Variants in ARL13B observed in about 807,000 individuals in gnomAD.
ARL13B encodes the protein ADP-ribosylation factor-like protein 13B.
Under a neutral mutation model 56.1 loss-of-function variants are expected in ARL13B, and 36 were observed. That is an observed-to-expected ratio of 0.64 (90% CI 0.49 to 0.85). ARL13B has a LOEUF of 0.85. Ranked by LOEUF, ARL13B falls within the 40% of genes least tolerant of loss-of-function variation. The pLI is 0.00. For missense variants in ARL13B, 519 were observed against 507.1 expected (o/e 1.02, Z -0.23); for synonymous variants, 178 against 171.1 (o/e 1.04, Z -0.32).
Position 93,980,291 on chromosome 3 carries a change from C to A in ARL13B, c.-133C>A, listed in dbSNP as rs1440428267. On this transcript the variant is annotated 5_prime_UTR_variant, in exon 1 of 10. Coordinates refer to ENST00000394222, the MANE Select transcript of ARL13B (RefSeq NM_001174150.2). ...TTAGTGCTCGGGCCGGCCGCCTTCA[C>A]TTCCCTCCCGGCTTTTCCTCCCGAC... 8.0e-7 allele frequency: 1 copy of A among 1,245,612 alleles called. No homozygotes were observed. Among genetic ancestry groups the A allele is most frequent in the Non-Finnish European group, 1.2e-6 (1 of 867,846 alleles). The allele number at this position is 1,245,612 out of a possible 1,614,324, so 77.2% of individuals were successfully genotyped here. A position where few individuals can be genotyped will look rare whatever the true frequency, so the allele number is the denominator to read the frequency against.
chr3:94,030,432 A>T (rs578027560), intron 3 of ARL13B, among the ~76,000 whole-genome samples: 154 of 139,488 alleles, frequency 1.1e-3, no homozygotes, highest in African/African-American at 4.1e-3. Context: ...ACAGGGTTTC[A>T]CCATGTTGGC....
At chr3:94,003,943 C>T (rs1374753632) in intron 3 of ARL13B, 35 bp downstream of exon 3, 12 of 1,611,442 alleles carry the variant, frequency 7.4e-6, no homozygotes, top group Admixed American at 5.0e-5. Flanking sequence ...AATGTAGGGA[C>T]GATGGCATTG....
intron 3 of ARL13B, among the ~76,000 whole-genome samples, chr3:94,008,638 T>C (rs187088035): frequency 1.7e-3 from 261 of 152,282 alleles, no homozygotes; most frequent in Non-Finnish European, 2.9e-3. Flanking sequence ...ATATGCTCTT[T>C]CTACACCCCC....
rs1210772731 is a variant in ARL13B, at chr3:94,053,721, T to C, written c.*458T>C. The C allele has an allele frequency of 6.5e-6, 2 of 307,918 alleles. No homozygotes were observed. Among genetic ancestry groups the C allele is most frequent in the South Asian group, 5.9e-5 (2 of 34,160 alleles). 19.1% of individuals were successfully genotyped at this position (307,918 alleles called of 1,614,324 possible). The stretch of plus-strand genomic sequence containing the variant: ...TTTTAAAACTATTTTTATATTTTTT[T>C]AAATCTTTAAAAATTTTAATTACTG... On this transcript the variant is annotated 3_prime_UTR_variant, in exon 10 of 10. Coordinates refer to ENST00000394222, the MANE Select transcript of ARL13B (RefSeq NM_001174150.2).
chr3:94,015,150 AAT>A (rs1037460019), intron 3 of ARL13B: 3 of 1,613,838 alleles, frequency 1.9e-6, no homozygotes, highest in Non-Finnish European at 8.5e-7. Context: ...CTCTTTCATA[AAT>A]AACAGCTTGC....
At chr3:94,044,806 C>T (rs367725943) in intron 7 of ARL13B, among the ~76,000 whole-genome samples, 19 of 141,200 alleles carry the variant, frequency 1.3e-4, no homozygotes, top group Non-Finnish European at 2.2e-4. Context: ...CCGGCCGCGC[C>T]GTCTGGGAAG....
Position 94,043,188 on chromosome 3 carries a change from A to C in ARL13B, c.972A>C (p.Leu324Phe). ...TAGTAGAAAATTATAAGGAGGCATT[A>C]ACACAGCAGTTAAAGAATGAAGATG... ...FGLVENYKEA[L>F]TQQLKNEDET... The change falls in exon 7 of 10, where the codon TTA (leucine) becomes TTC (phenylalanine). Residue 324 changes from leucine (L) to phenylalanine (F), a missense_variant. Transcript: ENST00000394222. 6.2e-7 allele frequency: 1 copy of C among 1,613,678 alleles called. No homozygotes were observed. Among genetic ancestry groups the C allele is most frequent in the Non-Finnish European group, 8.5e-7 (1 of 1,179,898 alleles).
chr3:93,986,414 C>T (rs539729219), intron 1 of ARL13B, among the ~76,000 whole-genome samples: 3 of 151,968 alleles, frequency 2.0e-5, no homozygotes, highest in Non-Finnish European at 2.9e-5. Context: ...ACTGTTTTTT[C>T]GATACATTTT....
Position 93,980,397 on chromosome 3 carries a change from G to A in ARL13B, c.-27G>A. ...GCCGGTGTCCGCTCCGGGCTCGGAT[G>A]GGAAGTGGTGGGAGGAGCGACCCGG... On this transcript the variant is annotated 5_prime_UTR_variant, in exon 1 of 10. The change abolishes an upstream ATG in the 5' untranslated region. Transcript: ENST00000394222. The A allele has an allele frequency of 6.2e-7, 1 of 1,610,870 alleles. No homozygotes were observed. Among genetic ancestry groups the A allele is most frequent in the Non-Finnish European group, 8.5e-7 (1 of 1,179,946 alleles).
chr3:94,026,868 G>A (rs1392175), intron 3 of ARL13B, among the ~76,000 whole-genome samples: 1 of 152,026 alleles, frequency 6.6e-6, no homozygotes. Flanking sequence ...ATTTAAAAAA[G>A]AAAGAACACT....
intron 5 of ARL13B, 83 bp from the exon 6 acceptor site, chr3:94,039,791 TGTAATA>T (rs1309210396): frequency 2.8e-6 from 3 of 1,071,146 alleles, no homozygotes; most frequent in Non-Finnish European, 1.4e-6. Flanking sequence ...AATTACTACA[TGTAATA>T]GCCTTATACC....
At position 94,014,654 on chromosome 3, in the gene ARL13B, T is replaced by G. The variant is rs779737597; in HGVS notation, c.380+10746T>G. The G allele has an allele frequency of 1.9e-6, 3 of 1,613,602 alleles. No individual in the cohort carries two copies. The Admixed American group carries it at 5.0e-5, about 27-fold the overall frequency. On this transcript the variant is annotated intron_variant, in intron 3 of 9. Coordinates refer to ENST00000394222, the MANE Select transcript of ARL13B (RefSeq NM_001174150.2). ...TGTTCAATCTCTGAAAGTTGTGCTT[T>G]AGTGATATTGATTTCTGTAAGTAAG...
chr3:94,014,383 C>T (rs1242870547), intron 3 of ARL13B: 2 of 1,516,028 alleles, frequency 1.3e-6, no homozygotes, highest in Admixed American at 4.9e-5. Flanking sequence ...AAAATAGCTT[C>T]TTTATTTTGA....
At chr3:94,007,456 A>T (rs2076153777) in intron 3 of ARL13B, among the ~76,000 whole-genome samples, 1 of 152,152 alleles carries the variant, frequency 6.6e-6, no homozygotes, top group Non-Finnish European at 1.5e-5. Context: ...CATACCTAAG[A>T]CTGGGAAGAA....
intron 9 of ARL13B, among the ~76,000 whole-genome samples, chr3:94,052,174 C>T (rs2107203881): frequency 6.6e-6 from 1 of 152,220 alleles, no homozygotes. Context: ...TATGTACACA[C>T]ATACATATGA....
rs763920137 is a variant in ARL13B at position 93,995,980 on chromosome 3, A to G, written c.130+36A>G. ...AACATTTATGTGCTTTCTGAACTCTATTAAATTATTCTGAATTATTTATTT... is the reference window on the plus strand; with the variant it reads ...AACATTTATGTGCTTTCTGAACTCTGTTAAATTATTCTGAATTATTTATTT... On this transcript the variant is annotated intron_variant, in intron 2 of 9. Coordinates refer to ENST00000394222, the MANE Select transcript of ARL13B (RefSeq NM_001174150.2). 11 of 1,581,854 alleles carry G rather than the reference A, an allele frequency of 7.0e-6. No homozygotes were observed. In the Middle Eastern group the frequency reaches 5.0e-4, roughly 72 times the overall value.
rs1170634373 is a variant in ARL13B, at chr3:94,003,661, T to C, written c.133T>C (p.Tyr45His). 1 of 1,613,026 alleles carries C rather than the reference T, an allele frequency of 6.2e-7. No individual in the cohort carries two copies. Among genetic ancestry groups the C allele is most frequent in the Admixed American group, 1.7e-5 (1 of 59,992 alleles). ...TTTTTGTGTATCATTTGTAACAGAA[T>C]ACCCTGAAGATGTAGCTCCTACTGT... ...TATAKGIQGE[Y>H]PEDVAPTVGF... The change falls in exon 3 of 10, where the codon TAC becomes CAC. Residue 45 changes from tyrosine to histidine, a missense_variant and splice_region_variant. Coordinates refer to ENST00000394222, the MANE Select transcript of ARL13B (RefSeq NM_001174150.2).
chr3:94,033,557 A>G (rs2076713697), intron 3 of ARL13B, among the ~76,000 whole-genome samples: 2 of 152,212 alleles, frequency 1.3e-5, no homozygotes, highest in Non-Finnish European at 2.9e-5. Context: ...CTGCTAGTAA[A>G]TGCAGAAGGA....
In ARL13B at chr3:93,987,066, A is replaced by G. The variant is rs1003932525; in HGVS notation, c.59+6584A>G. Among the ~76,000 whole-genome samples, 4 of 152,226 alleles carry G rather than the reference A, an allele frequency of 2.6e-5. No individual in the cohort carries two copies. In the East Asian group the frequency reaches 5.8e-4, roughly 22 times the overall value. On this transcript the variant is annotated intron_variant, in intron 1 of 9. Transcript: ENST00000394222. ...GGAAGTTTAGACTTGTAGGTGTTCA[A>G]ATGATTGTGATAATGTCATTCAGGA...
Sources: allele counts gnomAD v4.1 joint callset (sites outside exome capture counted in the v4.1 genomes callset), GRCh38; gene constraint gnomAD v4.1.1; transcripts MANE v1.5; gene names NCBI Gene and HGNC (gene_info 2026-07-23, HGNC 2026-07-21).